The following EIF4G3 variants were observed in gnomAD, a reference collection of about 807,000 sequenced individuals.
The protein encoded by EIF4G3 is eukaryotic translation initiation factor 4 gamma 3, also known as eIF-4-gamma 3.
In EIF4G3, 34 loss-of-function variants were observed where a neutral mutation model predicts 186.4. The ratio of observed to expected loss-of-function variants is 0.18; its 90% CI spans 0.14 to 0.24. The LOEUF (loss-of-function observed/expected upper bound fraction) is 0.24. Among genes scored for constraint, EIF4G3 ranks in the 10% least tolerant of loss-of-function variants. The pLI, the probability that EIF4G3 is intolerant of heterozygous loss-of-function variation, is 1.00. For missense variants in EIF4G3, 1,536 were observed against 1,948.5 expected (o/e 0.79, Z 3.99); for synonymous variants, 673 against 679.5 (o/e 0.99, Z 0.15).
intron 7 of EIF4G3, among the ~76,000 whole-genome samples, chr1:20,984,594 T>C (rs565190718): frequency 1.4e-4 from 19 of 137,788 alleles, no homozygotes; most frequent in Admixed American, 3.7e-4. Context: ...ATATATACAC[T>C]TTTTTTTTTT....
intron 33 of EIF4G3, among the ~76,000 whole-genome samples, chr1:20,823,010 C>T (rs1246005555): frequency 6.6e-6 from 1 of 151,972 alleles, no homozygotes; most frequent in Non-Finnish European, 1.5e-5. Context: ...TTCATGGTTG[C>T]TACTGCAAAG....
At chr1:20,963,612 A>G (rs908427759) in intron 12 of EIF4G3, among the ~76,000 whole-genome samples, 38 of 152,002 alleles carry the variant, frequency 2.5e-4, no homozygotes, top group African/African-American at 8.5e-4. Context: ...AGCAGGGGGG[A>G]AAAAGAGTAT....
chr1:20,961,897 C>T (rs1434639185), intron 12 of EIF4G3, among the ~76,000 whole-genome samples: 1 of 152,010 alleles, frequency 6.6e-6, no homozygotes, highest in African/African-American at 2.4e-5. Flanking sequence ...ATCGTAGTCA[C>T]CACTAAAACA....
chr1:20,929,910 C>A (rs2095212330), intron 14 of EIF4G3, among the ~76,000 whole-genome samples: 1 of 152,008 alleles, frequency 6.6e-6, no homozygotes. Context: ...CCTGTGTAGG[C>A]ACAGGCATAC....
intron 12 of EIF4G3, among the ~76,000 whole-genome samples, chr1:20,954,466 G>A (rs1345308821): frequency 6.7e-6 from 1 of 149,252 alleles, no homozygotes; most frequent in Admixed American, 6.7e-5. Flanking sequence ...AACTCGGGGG[G>A]TGGAGGTTGC....
At chr1:21,049,853 T>C (rs1415689830) in intron 4 of EIF4G3, among the ~76,000 whole-genome samples, 5 of 152,130 alleles carry the variant, frequency 3.3e-5, no homozygotes, top group Admixed American at 3.3e-4. Context: ...ATCATGCCAC[T>C]GTACCCCAGC....
intron 27 of EIF4G3, 28 bp downstream of exon 27, chr1:20,853,532 G>A (rs199565411): frequency 1.1e-5 from 16 of 1,498,848 alleles, no homozygotes; most frequent in African/African-American, 1.4e-5. Flanking sequence ...GGCCAGCCTT[G>A]AGTAGACATA....
chr1:21,002,853 G>A (rs1157715253), intron 4 of EIF4G3, 45 bp from the exon 5 acceptor site: 4 of 1,110,070 alleles, frequency 3.6e-6, no homozygotes, highest in Non-Finnish European at 5.4e-6. Context: ...GAAAAAATAT[G>A]GCATGGCAAT....
At chr1:20,954,102 A>C (rs531592597) in intron 12 of EIF4G3, among the ~76,000 whole-genome samples, 2 of 152,246 alleles carry the variant, frequency 1.3e-5, no homozygotes, top group East Asian at 3.8e-4. Flanking sequence ...AAATATAAGC[A>C]AAGAGTTGAT....
intron 2 of EIF4G3, among the ~76,000 whole-genome samples, chr1:21,127,177 T>TA: frequency 6.6e-6 from 1 of 152,254 alleles, no homozygotes; most frequent in South Asian, 2.1e-4. Flanking sequence ...TCTGTAAATA[T>TA]GGGGTCTCAC....
intron 33 of EIF4G3, among the ~76,000 whole-genome samples, chr1:20,824,474 A>C (rs2063126588): frequency 1.3e-5 from 2 of 151,818 alleles, no homozygotes; most frequent in Non-Finnish European, 2.9e-5. Flanking sequence ...TAACGTTTTG[A>C]GAGAGTTTTG....
chr1:20,960,013 C>G (rs148466182), intron 12 of EIF4G3, among the ~76,000 whole-genome samples: 52 of 152,202 alleles, frequency 3.4e-4, no homozygotes, highest in Admixed American at 5.9e-4. Flanking sequence ...GTAGATCTAC[C>G]ATTTGATCCA....
At chr1:21,132,868 C>T (rs1346629044) in intron 2 of EIF4G3, among the ~76,000 whole-genome samples, 6 of 151,940 alleles carry the variant, frequency 3.9e-5, no homozygotes, top group Admixed American at 3.3e-4. Flanking sequence ...CTGCAACTTC[C>T]GCCTCCCAGG....
At chr1:21,007,232 T>C (rs2085348153) in intron 4 of EIF4G3, among the ~76,000 whole-genome samples, 1 of 151,948 alleles carries the variant, frequency 6.6e-6, no homozygotes, top group Non-Finnish European at 1.5e-5. Flanking sequence ...ACCTCGTCTC[T>C]ACTAAAAATA....
rs950953916 is a variant in EIF4G3, at chr1:21,043,912, A to G, written c.-67+6954T>C. 7.9e-5 allele frequency among the ~76,000 whole-genome samples: 12 copies of G among 151,972 alleles called. No homozygotes were observed. The East Asian group carries it at 2.3e-3, about 29-fold the overall frequency. On this transcript the variant is annotated intron_variant, in intron 4 of 36. Transcript: ENST00000602326. ...AGGATGGAAAGAAAGAGAGAGAGAG[A>G]GAGATGAAACACCTATTAGAAAAAC...
intron 34 of EIF4G3, among the ~76,000 whole-genome samples, chr1:20,814,113 T>C (rs1475536675): frequency 6.6e-6 from 1 of 151,500 alleles, no homozygotes; most frequent in Non-Finnish European, 1.5e-5. Context: ...GCCTCCCGAG[T>C]AGCTGGGACT....
chr1:21,026,604 G>C (rs780311842), intron 4 of EIF4G3, among the ~76,000 whole-genome samples: 4 of 151,440 alleles, frequency 2.6e-5, no homozygotes, highest in Non-Finnish European at 5.9e-5. Context: ...AGAGAGTCAA[G>C]AGGCAACCTA....
intron 27 of EIF4G3, among the ~76,000 whole-genome samples, chr1:20,853,172 A>C (rs2073878013): frequency 6.6e-6 from 1 of 152,190 alleles, no homozygotes; most frequent in Non-Finnish European, 1.5e-5. Context: ...ACTAGCAAAA[A>C]CTGAAGGACA....
intron 2 of EIF4G3, among the ~76,000 whole-genome samples, chr1:21,101,879 A>G (rs1478779022): frequency 6.6e-6 from 1 of 152,208 alleles, no homozygotes; most frequent in South Asian, 2.1e-4. Flanking sequence ...CCTTCAGAGT[A>G]TAACTGGTAA....
Sources: allele counts gnomAD v4.1 joint callset (sites outside exome capture counted in the v4.1 genomes callset), GRCh38; gene constraint gnomAD v4.1.1; transcripts MANE v1.5; gene names NCBI Gene and HGNC (gene_info 2026-07-23, HGNC 2026-07-21).